Variants in FBXO34 observed in about 807,000 individuals in gnomAD.
FBXO34 encodes F-box protein 34.
A neutral mutation model predicts 24.5 loss-of-function variants in FBXO34; 12 were observed. The ratio of observed to expected loss-of-function variants is 0.49; its 90% CI spans 0.31 to 0.79. The LOEUF (loss-of-function observed/expected upper bound fraction) is 0.79. Ranked by LOEUF, FBXO34 falls within the 30% of genes least tolerant of loss-of-function variation. The pLI is 0.04. For synonymous variants in FBXO34, 320 were observed against 311.9 expected (o/e 1.03, Z -0.27); for missense variants, 823 against 857.7 (o/e 0.96, Z 0.51).
intron 1 of FBXO34, among the ~76,000 whole-genome samples, chr14:55,273,883 G>A (rs1881246442): frequency 6.6e-6 from 1 of 152,158 alleles, no homozygotes; most frequent in Non-Finnish European, 1.5e-5. Flanking sequence ...TCGGCTCACT[G>A]CAACCTCCGC....
intron 1 of FBXO34, among the ~76,000 whole-genome samples, chr14:55,334,844 A>G (rs1883720484): frequency 6.6e-6 from 1 of 152,222 alleles, no homozygotes; most frequent in Admixed American, 6.5e-5. Context: ...CATCCAAAAA[A>G]GATTGACCAC....
chr14:55,429,624 G>A, the FBXO34 span, among the ~76,000 whole-genome samples: 1 of 151,990 alleles, frequency 6.6e-6, no homozygotes, highest in Admixed American at 6.6e-5. Flanking sequence ...AAATTAGCTG[G>A]ACATGGTGGC....
chr14:55,342,897 C>T (rs1388257096), intron 1 of FBXO34, among the ~76,000 whole-genome samples: 1 of 152,148 alleles, frequency 6.6e-6, no homozygotes, highest in African/African-American at 2.4e-5. Flanking sequence ...GATATATCAT[C>T]CTTCATAGTG....
At chr14:55,391,068 C>A in the FBXO34 span, 1 of 951,794 alleles carries the variant, frequency 1.1e-6, no homozygotes. Flanking sequence ...GGGATCACTG[C>A]TTATTTTCAG....
At chr14:55,380,615 G>A in the FBXO34 span, 1 of 1,613,280 alleles carries the variant, frequency 6.2e-7, no homozygotes, top group Non-Finnish European at 8.5e-7. Flanking sequence ...AAGTATATGA[G>A]ACAGAATGTT....
chr14:55,298,797 G>A (rs534944893), intron 1 of FBXO34: 34 of 1,609,144 alleles, frequency 2.1e-5, no homozygotes, highest in East Asian at 8.9e-5. Context: ...AAACAAGCCC[G>A]CGGCCCTCCA....
intron 1 of FBXO34, among the ~76,000 whole-genome samples, chr14:55,280,684 G>T (rs1208109841): frequency 6.6e-6 from 1 of 151,804 alleles, no homozygotes; most frequent in Non-Finnish European, 1.5e-5. Context: ...CCGCCACCTC[G>T]CCCGGCTAAT....
chr14:55,382,246 G>A, the FBXO34 span: 48 of 1,507,310 alleles, frequency 3.2e-5, no homozygotes, highest in Non-Finnish European at 4.0e-5. Context: ...TTAAGGGCAT[G>A]CAATATAACT....
chr14:55,346,605 G>A (rs542031390), intron 1 of FBXO34, among the ~76,000 whole-genome samples: 2 of 152,288 alleles, frequency 1.3e-5, no homozygotes, highest in South Asian at 4.1e-4. Context: ...AAGAAGAGTA[G>A]TGGTCTAGAA....
Position 55,352,412 on chromosome 14 carries a change from A to T in FBXO34, c.2022A>T (p.Gly674=), listed in dbSNP as rs1175446663. The T allele has an allele frequency of 1.9e-6, 3 of 1,614,218 alleles. No homozygotes were observed. The highest frequency in any genetic ancestry group is 2.5e-6 in the Non-Finnish European group (3 of 1,180,046). ...YWMCCHRSQK[G]FPGCKLGLHD... is the part of the protein sequence containing the mutation. ...TGTGCTGCCACCGGTCTCAGAAAGGATTCCCTGGCTGTAAGCTGGGGCTTC... is the reference window on the plus strand; with the variant it reads ...TGTGCTGCCACCGGTCTCAGAAAGGTTTCCCTGGCTGTAAGCTGGGGCTTC... The change falls in exon 2 of 2, where the codon GGA becomes GGT. Residue 674 remains glycine, a synonymous_variant. Transcript: ENST00000313833.
At chr14:55,287,792 GTCTC>G (rs1279889876) in intron 1 of FBXO34, among the ~76,000 whole-genome samples, 1 of 152,194 alleles carries the variant, frequency 6.6e-6, no homozygotes, top group African/African-American at 2.4e-5. Flanking sequence ...TGTCTTAGAA[GTCTC>G]TCTGTGATTT....
the FBXO34 span, chr14:55,435,784 C>T: frequency 8.3e-7 from 1 of 1,204,354 alleles, no homozygotes; most frequent in Non-Finnish European, 1.2e-6. Flanking sequence ...ATATCATGAT[C>T]ATATTAAGAA....
the FBXO34 span, among the ~76,000 whole-genome samples, chr14:55,425,704 A>G: frequency 2.6e-5 from 4 of 152,194 alleles, no homozygotes; most frequent in Admixed American, 6.5e-5. Context: ...TACTTCCCCA[A>G]GAAAATCTTC....
chr14:55,423,529 G>C, the FBXO34 span, among the ~76,000 whole-genome samples: 3 of 152,234 alleles, frequency 2.0e-5, no homozygotes, highest in Admixed American at 1.3e-4. Flanking sequence ...TAACATGTTA[G>C]AATGGGTTCA....
rs765549499 is a variant in FBXO34 at position 55,350,698 on chromosome 14, G to C, written c.308G>C (p.Gly103Ala). The C allele has an allele frequency of 3.7e-6, 6 of 1,613,440 alleles. No homozygotes were observed. The highest frequency in any genetic ancestry group is 3.3e-5 in the Admixed American group (2 of 59,792). Residue 103 changes from glycine to alanine, a missense_variant, in exon 2 of 2, where the codon GGA becomes GCA. Coordinates refer to ENST00000313833, the MANE Select transcript of FBXO34 (RefSeq NM_017943.4). Reference protein sequence around the residue: ...SATIHQGEEEGPLDIWAVVKP... With the variant: ...SATIHQGEEEAPLDIWAVVKP... ...ACGATCCACCAGGGCGAAGAAGAAG[G>C]ACCACTTGATATCTGGGCTGTTGTG...
At chr14:55,328,177 T>G (rs979799998) in intron 1 of FBXO34, among the ~76,000 whole-genome samples, 13 of 152,194 alleles carry the variant, frequency 8.5e-5, no homozygotes, top group African/African-American at 2.4e-4. Context: ...CAGGCTGGTC[T>G]CGAACTCCTG....
intron 1 of FBXO34, among the ~76,000 whole-genome samples, chr14:55,285,859 G>A (rs1020480135): frequency 2.6e-5 from 4 of 152,172 alleles, no homozygotes; most frequent in African/African-American, 9.7e-5. Context: ...TCATAATCCA[G>A]TGAGAATTCC....
At chr14:55,304,584 T>G (rs954061726) in intron 1 of FBXO34, among the ~76,000 whole-genome samples, 1 of 152,134 alleles carries the variant, frequency 6.6e-6, no homozygotes, top group Non-Finnish European at 1.5e-5. Context: ...CATTGTAAGG[T>G]CAAACTCCTG....
At chr14:55,331,301 TC>T (rs1883524237) in intron 1 of FBXO34, among the ~76,000 whole-genome samples, 1 of 152,082 alleles carries the variant, frequency 6.6e-6, no homozygotes, top group South Asian at 2.1e-4. Flanking sequence ...TAATGGCTTT[TC>T]CTATGCCACT....
Sources: gnomAD v4.1 joint callset for allele counts (sites outside exome capture counted in the v4.1 genomes callset) on GRCh38, gnomAD v4.1.1 for gene constraint, MANE v1.5 for transcripts, NCBI Gene and HGNC (gene_info 2026-07-23, HGNC 2026-07-21) for gene names.